Variants in IL17RB observed in about 807,000 individuals in gnomAD.
The protein encoded by IL17RB is interleukin 17 receptor B.
A neutral mutation model predicts 43.9 loss-of-function variants in IL17RB; 36 were observed. That is an observed-to-expected ratio of 0.82 (90% CI 0.63 to 1.08). IL17RB has a LOEUF of 1.08. IL17RB is among the 50% of genes least tolerant of loss of function. IL17RB has a pLI of 0.00. For synonymous variants in IL17RB, 225 were observed against 225.4 expected (o/e 1.00, Z 0.02); for missense variants, 613 against 613.6 (o/e 1.00, Z 0.01).
intron 10 of IL17RB, among the ~76,000 whole-genome samples, chr3:53,862,692 C>T (rs1349835086): frequency 6.6e-6 from 1 of 152,178 alleles, no homozygotes; most frequent in Non-Finnish European, 1.5e-5. Context: ...GAAGCAGCAG[C>T]ATCAGAAAAC....
At chr3:53,853,105 A>G in intron 5 of IL17RB, 108 bp downstream of exon 5, 1 of 1,268,558 alleles carries the variant, frequency 7.9e-7, no homozygotes, top group Admixed American at 1.8e-5. Flanking sequence ...GGCCTTGCTA[A>G]ATCTCAGTTC....
chr3:53,852,555 G>A (rs1309604205), intron 4 of IL17RB, among the ~76,000 whole-genome samples: 1 of 152,196 alleles, frequency 6.6e-6, no homozygotes, highest in Non-Finnish European at 1.5e-5. Flanking sequence ...CTTAGAGCAA[G>A]ATCCCTTGGT....
In IL17RB at chr3:53,864,903, G is replaced by A. The variant is rs776312127; in HGVS notation, c.1104G>A (p.Trp368Ter). Residue 368 changes from tryptophan (W) to a stop codon, truncating the protein, a stop_gained, in exon 11 of 11, where the codon TGG becomes TGA. Transcript: ENST00000288167. LOFTEE classifies it low-confidence loss of function (END_TRUNC). ...GAAGTGAGGTCATCCTTGAAAAGTGGCAGAAAAAGAAAATAGCAGAGATGG... is the reference window on the plus strand; with the variant it reads ...GAAGTGAGGTCATCCTTGAAAAGTGACAGAAAAAGAAAATAGCAGAGATGG... ...HCRSEVILEK[W>*]QKKKIAEMGP... 7 of 1,614,054 alleles carry A rather than the reference G, an allele frequency of 4.3e-6. No individual in the cohort carries two copies. In the African/African-American group the frequency reaches 6.7e-5, roughly 15 times the overall value.
Position 53,846,668 on chromosome 3 carries a change from T to C in IL17RB, c.60+20T>C. 1.3e-6 allele frequency: 2 copies of C among 1,578,112 alleles called. No homozygotes were observed. The highest frequency in any genetic ancestry group is 1.7e-4 in the Middle Eastern group (1 of 5,998). On this transcript the variant is annotated intron_variant, in intron 1 of 10. Coordinates refer to ENST00000288167, the MANE Select transcript of IL17RB (RefSeq NM_018725.4). ...GAGCCGGTAAGCCCCCGCCAGCACC[T>C]CTTCCCTCATCTCCCGGCCCTCGAG... is the stretch of plus-strand genomic sequence containing the variant.
chr3:53,852,421 C>T (rs936458325), intron 4 of IL17RB, among the ~76,000 whole-genome samples: 1 of 152,142 alleles, frequency 6.6e-6, no homozygotes, highest in Non-Finnish European at 1.5e-5. Context: ...AGGTATGAGC[C>T]ACTGTATCCG....
rs1466608887 is a variant in IL17RB, at chr3:53,857,635, C to T, written c.692C>T (p.Thr231Met). 1.2e-5 allele frequency: 19 copies of T among 1,614,144 alleles called. No homozygotes were observed. The highest frequency in any genetic ancestry group is 5.0e-5 in the Admixed American group (3 of 60,024). ...QVFEPHQKKQ[T>M]RASVVIPVTG... Reference sequence around the variant, plus strand: ...CTTAAGCCACACCAGAAGAAACAAACGCGAGCTTCAGTGGTGATTCCAGTG... The same window carrying T: ...CTTAAGCCACACCAGAAGAAACAAATGCGAGCTTCAGTGGTGATTCCAGTG... The change falls in exon 8 of 11, where the codon ACG (threonine) becomes ATG (methionine). Residue 231 changes from threonine to methionine, a missense_variant. Coordinates refer to ENST00000288167, the MANE Select transcript of IL17RB (RefSeq NM_018725.4).
chr3:53,850,134 C>T lies in IL17RB; in HGVS notation c.226+339C>T, dbSNP rs114570234. Among the ~76,000 whole-genome samples the T allele has an allele frequency of 7.2e-3, 1,101 of 152,360 alleles. 16 individuals are homozygous for T. Among genetic ancestry groups the T allele is most frequent in the African/African-American group, 0.025 (1,045 of 41,590 alleles). The stretch of plus-strand genomic sequence containing the variant: ...ACATTTATATCTGTGTGCATGCCTG[C>T]AGGCATACATGCCATATGATCCCAT... On this transcript the variant is annotated intron_variant, in intron 3 of 10. Coordinates refer to ENST00000288167, the MANE Select transcript of IL17RB (RefSeq NM_018725.4).
intron 5 of IL17RB, among the ~76,000 whole-genome samples, 170 bp from the exon 6 acceptor site, chr3:53,855,116 CAAAAAAAA>C (rs746854673): frequency 1.4e-5 from 1 of 69,376 alleles, no homozygotes; most frequent in African/African-American, 5.6e-5. Context: ...GACTCCGGCT[CAAAAAAAA>C]AAAAAAAAAA....
At chr3:53,857,174 G>A (rs754433323) in intron 7 of IL17RB, among the ~76,000 whole-genome samples, 188 bp downstream of exon 7, 2 of 152,194 alleles carry the variant, frequency 1.3e-5, no homozygotes, top group Admixed American at 6.5e-5. Flanking sequence ...GGAAGTCTCC[G>A]AAGCAGGAAA....
At chr3:53,854,712 C>T (rs1699269463) in intron 5 of IL17RB, among the ~76,000 whole-genome samples, 1 of 152,202 alleles carries the variant, frequency 6.6e-6, no homozygotes, top group Non-Finnish European at 1.5e-5. Context: ...TCCCAACTCT[C>T]GTTTTTGGAA....
chr3:53,853,808 C>T (rs372556241), intron 5 of IL17RB, among the ~76,000 whole-genome samples: 3 of 152,202 alleles, frequency 2.0e-5, no homozygotes, highest in Non-Finnish European at 2.9e-5. Flanking sequence ...ATTTACTACA[C>T]GTGGTTTCCA....
At chr3:53,852,733 C>A (rs1699196353) in intron 4 of IL17RB, 138 bp from the exon 5 acceptor site, 1 of 692,324 alleles carries the variant, frequency 1.4e-6, no homozygotes, top group South Asian at 2.0e-5. Flanking sequence ...TGCCCATTCC[C>A]TAAGTAGACA....
In IL17RB at chr3:53,857,001, C is replaced by T. The variant is rs777862731; in HGVS notation, c.672+15C>T. The T allele has an allele frequency of 3.0e-5, 49 of 1,613,118 alleles. No individual in the cohort carries two copies. The highest frequency in any genetic ancestry group is 1.8e-4 in the Middle Eastern group (1 of 5,476). ...AGGTGTTTGAGGTACTTTTTCTCTT[C>T]GTCCCCTTCACCTCGTCCTCCAGCT... On this transcript the variant is annotated intron_variant, in intron 7 of 10. Coordinates refer to ENST00000288167, the MANE Select transcript of IL17RB (RefSeq NM_018725.4).
chr3:53,860,175 T>G lies in IL17RB; in HGVS notation c.893T>G (p.Leu298Arg). 1 of 1,614,168 alleles carries G rather than the reference T, an allele frequency of 6.2e-7. No homozygotes were observed. Among genetic ancestry groups the G allele is most frequent in the Middle Eastern group, 1.7e-4 (1 of 6,022 alleles). ...TGGCTGCCTCTCCTCCTGCTGTCTCTGCTGGTGGCCACATGGGTGCTGGTG... is the reference window on the plus strand; with the variant it reads ...TGGCTGCCTCTCCTCCTGCTGTCTCGGCTGGTGGCCACATGGGTGCTGGTG... The part of the protein sequence containing the change: ...GGWLPLLLLS[L>R]LVATWVLVAG... Residue 298 changes from leucine (L) to arginine (R), a missense_variant, in exon 10 of 11, where the codon CTG (leucine) becomes CGG (arginine). By Grantham distance (102) the Leu-to-Arg change is moderately radical. Transcript: ENST00000288167.
chr3:53,848,803 G>T, intron 2 of IL17RB, 115 bp downstream of exon 2: 1 of 1,066,656 alleles, frequency 9.4e-7, no homozygotes, highest in Non-Finnish European at 1.5e-6. Context: ...GTGACCCATT[G>T]CTTTATTGGC....
At position 53,865,524 on chromosome 3, in the gene IL17RB, G is replaced by T. The variant is rs1699755858; in HGVS notation, c.*216G>T. On this transcript the variant is annotated 3_prime_UTR_variant, in exon 11 of 11. Transcript: ENST00000288167. ...CAACTTCAAAGCTGTTTTATACATA[G>T]AAATCAATTACAGTTTTAATTGAAA... 2.0e-6 allele frequency: 1 copy of T among 507,084 alleles called. No homozygotes were observed. The highest frequency in any genetic ancestry group is 3.4e-5 in the South Asian group (1 of 29,614). 31.4% of individuals were successfully genotyped at this position (507,084 alleles called of 1,614,324 possible). A position where few individuals can be genotyped will look rare whatever the true frequency, so the allele number is the denominator to read the frequency against.
Position 53,865,165 on chromosome 3 carries a change from G to T in IL17RB, c.1366G>T (p.Asp456Tyr), listed in dbSNP as rs778086828. 1.2e-6 allele frequency: 2 copies of T among 1,614,112 alleles called. No individual in the cohort carries two copies. Among genetic ancestry groups the T allele is most frequent in the Middle Eastern group, 1.6e-4 (1 of 6,062 alleles). Reference protein sequence around the residue: ...VYFREIDTKDDYNALSVCPKY... With the variant: ...VYFREIDTKDYYNALSVCPKY... ...CTTTAGAGAGATTGATACAAAAGAC[G>T]ATTACAATGCTCTCAGTGTCTGCCC... The change falls in exon 11 of 11, where the codon GAT becomes TAT. Residue 456 changes from aspartate to tyrosine, a missense_variant. Coordinates refer to ENST00000288167, the MANE Select transcript of IL17RB (RefSeq NM_018725.4).
At position 53,848,829 on chromosome 3, in the gene IL17RB, CTCTG is replaced by C. The variant is rs966199629; in HGVS notation, c.85+146_85+149del. 89 of 907,854 alleles carry C rather than the reference CTCTG, an allele frequency of 9.8e-5. No homozygotes were observed. The African/African-American group carries it at 1.4e-3, about 14-fold the overall frequency. The allele number at this position is 907,854 out of a possible 1,614,324, so 56.2% of individuals were successfully genotyped here. On this transcript the variant is annotated intron_variant, in intron 2 of 10. Transcript: ENST00000288167. ...CTTTATTGGCTGATGCAGATGAAGTCTCTGTCTGCTCGAAGCAGAACTCTGGGGC... is the reference window on the plus strand; with the variant it reads ...CTTTATTGGCTGATGCAGATGAAGTCTCTGCTCGAAGCAGAACTCTGGGGC...
At chr3:53,847,485 T>TAA (rs11332832) in intron 1 of IL17RB, among the ~76,000 whole-genome samples, 5,743 of 140,770 alleles carry the variant, frequency 0.041, 237 homozygotes, top group East Asian at 0.22. Context: ...GCTCATTTGT[T>TAA]AAAAAAAAAA....
Sources: allele counts gnomAD v4.1 joint callset (sites outside exome capture counted in the v4.1 genomes callset), GRCh38; gene constraint gnomAD v4.1.1; transcripts MANE v1.5; gene names NCBI Gene and HGNC (gene_info 2026-07-23, HGNC 2026-07-21).